The following BRINP3 variants were observed in gnomAD, a reference collection of about 807,000 sequenced individuals.
BRINP3 encodes the protein BMP/retinoic acid inducible neural specific 3.
A neutral mutation model predicts 71.0 loss-of-function variants in BRINP3; 19 were observed. That is an observed-to-expected ratio of 0.27 (90% CI 0.19 to 0.39). The LOEUF is 0.39. Among genes scored for constraint, BRINP3 ranks in the 10% least tolerant of loss-of-function variants. The probability of loss-of-function intolerance (pLI) is 1.00; values close to 1 mark genes in which losing one functional copy is unlikely to be tolerated. For missense variants in BRINP3, 959 were observed against 940.8 expected, an observed-to-expected ratio of 1.02 and a Z score of -0.25; for synonymous variants, 380 against 337.7, an observed-to-expected ratio of 1.13 and a Z score of -1.37.
rs199983605 is a variant in BRINP3, at chr1:190,098,278, G to A, written c.2041C>T (p.Arg681Trp). The change falls in exon 8 of 8, where the codon CGG becomes TGG. Residue 681 changes from arginine (R) to tryptophan (W), a missense_variant. Arg to Trp is a moderately radical substitution (Grantham distance 101, BLOSUM62 -3). Coordinates refer to ENST00000367462, the MANE Select transcript of BRINP3 (RefSeq NM_199051.3). ...YSMHFDPEAI[R>W]DLILQLDYPY... ...TAGTCCAGCTGCAAAATCAGGTCCC[G>A]AATTGCTTCAGGGTCAAAGTGCATG... is the stretch of plus-strand genomic sequence containing the variant. 11 of 1,614,018 alleles carry A rather than the reference G, an allele frequency of 6.8e-6. No homozygotes were observed. The highest frequency in any genetic ancestry group is 8.5e-6 in the Non-Finnish European group (10 of 1,180,046).
At chr1:190,445,762 G>A (rs552283622) in intron 2 of BRINP3, among the ~76,000 whole-genome samples, 1 of 152,108 alleles carries the variant, frequency 6.6e-6, no homozygotes, top group African/African-American at 2.4e-5. Flanking sequence ...GATAATTCTG[G>A]CAATTTCACT....
intron 6 of BRINP3, among the ~76,000 whole-genome samples, chr1:190,190,500 T>C (rs1172830057): frequency 6.6e-6 from 1 of 152,148 alleles, no homozygotes; most frequent in African/African-American, 2.4e-5. Flanking sequence ...AAACTGATGT[T>C]TCTGCAGGGT....
chr1:190,408,537 G>A (rs1395023808), intron 2 of BRINP3, among the ~76,000 whole-genome samples: 1 of 152,044 alleles, frequency 6.6e-6, no homozygotes, highest in Non-Finnish European at 1.5e-5. Context: ...GCTCTAAAAA[G>A]CTCCTTTTGA....
At chr1:190,253,856 A>G (rs1399409164) in intron 4 of BRINP3, among the ~76,000 whole-genome samples, 2 of 152,084 alleles carry the variant, frequency 1.3e-5, no homozygotes, top group South Asian at 4.1e-4. Flanking sequence ...CTATGTCCTG[A>G]ATGGTATTGC....
intron 2 of BRINP3, among the ~76,000 whole-genome samples, chr1:190,349,339 AG>A (rs1159938792): frequency 6.6e-6 from 1 of 152,082 alleles, no homozygotes; most frequent in African/African-American, 2.4e-5. Flanking sequence ...CAAGGTTAAG[AG>A]TGGAGAGTGA....
intron 2 of BRINP3, among the ~76,000 whole-genome samples, chr1:190,321,568 G>A (rs1666247349): frequency 6.6e-6 from 1 of 151,914 alleles, no homozygotes; most frequent in African/African-American, 2.4e-5. Context: ...TAGCCAAAAG[G>A]TCTCTTGATT....
rs368091154 is a variant in BRINP3 at position 190,398,337 on chromosome 1, C to T, written c.236+56318G>A. 1.3e-3 allele frequency among the ~76,000 whole-genome samples: 192 copies of T among 151,820 alleles called. 3 individuals carry two copies. The South Asian group carries it at 0.022, about 17-fold the overall frequency. ...AATCCATATCTGATTAACAGGAAGCCGACTATATATCTAAATATAGCTTAC... is the reference window on the plus strand; with the variant it reads ...AATCCATATCTGATTAACAGGAAGCTGACTATATATCTAAATATAGCTTAC... On this transcript the variant is annotated intron_variant, in intron 2 of 7. Transcript: ENST00000367462.
chr1:190,460,714 C>A (rs760586453), intron 1 of BRINP3, among the ~76,000 whole-genome samples: 1 of 152,114 alleles, frequency 6.6e-6, no homozygotes, highest in Non-Finnish European at 1.5e-5. Flanking sequence ...GAACATGATA[C>A]CTCTGTCAAG....
At chr1:190,314,970 C>A (rs1186977371) in intron 2 of BRINP3, among the ~76,000 whole-genome samples, 3 of 151,868 alleles carry the variant, frequency 2.0e-5, no homozygotes, top group African/African-American at 7.3e-5. Flanking sequence ...TATCAGGGGG[C>A]TAAAATAGAA....
At chr1:190,472,812 T>G (rs1274483308) in intron 1 of BRINP3, among the ~76,000 whole-genome samples, 2 of 147,488 alleles carry the variant, frequency 1.4e-5, no homozygotes, top group East Asian at 4.0e-4. Flanking sequence ...TGGTAGAAAT[T>G]ACACACACAC....
At chr1:190,308,598 A>T (rs756043413) in intron 2 of BRINP3, among the ~76,000 whole-genome samples, 11 of 151,904 alleles carry the variant, frequency 7.2e-5, no homozygotes, top group Admixed American at 2.0e-4. Context: ...CATATGTAAC[A>T]AACCTGCACA....
At chr1:190,116,037 T>C (rs1653107296) in intron 7 of BRINP3, among the ~76,000 whole-genome samples, 2 of 152,098 alleles carry the variant, frequency 1.3e-5, no homozygotes, top group South Asian at 2.1e-4. Flanking sequence ...TCACTTACGA[T>C]AGACACATTC....
At chr1:190,395,647 C>T (rs2102328159) in intron 2 of BRINP3, among the ~76,000 whole-genome samples, 1 of 151,696 alleles carries the variant, frequency 6.6e-6, no homozygotes, top group African/African-American at 2.4e-5. Flanking sequence ...CTCTCTAGAG[C>T]TATTGATAAC....
chr1:190,195,391 TA>T (rs1407997921), intron 6 of BRINP3, among the ~76,000 whole-genome samples: 1 of 152,040 alleles, frequency 6.6e-6, no homozygotes, highest in African/African-American at 2.4e-5. Context: ...TTTTACAGAT[TA>T]AAAATCTGAA....
intron 4 of BRINP3, among the ~76,000 whole-genome samples, chr1:190,235,804 A>G (rs559913308): frequency 1.3e-5 from 2 of 151,916 alleles, no homozygotes; most frequent in East Asian, 3.9e-4. Flanking sequence ...CTCTTCCAAC[A>G]TTTTTTTCTT....
At chr1:190,155,506 G>A (rs1335497802) in intron 7 of BRINP3, among the ~76,000 whole-genome samples, 1 of 152,040 alleles carries the variant, frequency 6.6e-6, no homozygotes, top group African/African-American at 2.4e-5. Context: ...ATTAAATGTA[G>A]TATTTCTATG....
rs1472012045 is a variant in BRINP3, at chr1:190,098,561, C to T, written c.1758G>A (p.Met586Ile). 6.2e-7 allele frequency: 1 copy of T among 1,614,190 alleles called. No homozygotes were observed. Among genetic ancestry groups the T allele is most frequent in the Non-Finnish European group, 8.5e-7 (1 of 1,180,040 alleles). The change falls in exon 8 of 8, where the codon ATG becomes ATA. Residue 586 changes from methionine (M) to isoleucine (I), a missense_variant. Physicochemically the swap from Met to Ile is conservative, Grantham distance 10. Coordinates refer to ENST00000367462, the MANE Select transcript of BRINP3 (RefSeq NM_199051.3). ...FGGSHSESWFMPVNENSFPDW... is the reference protein window; with the variant it reads ...FGGSHSESWFIPVNENSFPDW... ...CTGGAAAGCTGTTTTCATTCACAGG[C>T]ATAAACCAGCTCTCAGAGTGGCTGC...
chr1:190,409,513 A>G (rs1672520841), intron 2 of BRINP3, among the ~76,000 whole-genome samples: 2 of 152,206 alleles, frequency 1.3e-5, no homozygotes, highest in Non-Finnish European at 2.9e-5. Flanking sequence ...TAACAAATTT[A>G]AAAAACAGAG....
At chr1:190,308,701 A>C (rs1665304547) in intron 2 of BRINP3, among the ~76,000 whole-genome samples, 1 of 152,028 alleles carries the variant, frequency 6.6e-6, no homozygotes, top group Non-Finnish European at 1.5e-5. Context: ...TAGACATATA[A>C]TTAAGGAGGA....
Sources: allele counts gnomAD v4.1 joint callset (sites outside exome capture counted in the v4.1 genomes callset), GRCh38; gene constraint gnomAD v4.1.1; transcripts MANE v1.5; gene names NCBI Gene and HGNC (gene_info 2026-07-23, HGNC 2026-07-21).